The following TSPAN12 variants were observed in gnomAD, a reference collection of about 807,000 sequenced individuals.
TSPAN12 encodes the protein tetraspanin 12, also known as tetraspanin-12.
A neutral mutation model predicts 39.2 loss-of-function variants in TSPAN12; 19 were observed. The observed-to-expected ratio is 0.49, with a 90% CI of 0.34 to 0.71. The LOEUF is 0.71. Ranked by LOEUF, TSPAN12 falls within the 30% of genes least tolerant of loss-of-function variation. TSPAN12 has a pLI of 0.01. For missense variants in TSPAN12, 314 were observed against 359.9 expected (o/e 0.87, Z 1.03); for synonymous variants, 119 against 124.8 (o/e 0.95, Z 0.31).
At chr7:120,799,054 G>C (rs1793689810) in intron 7 of TSPAN12, among the ~76,000 whole-genome samples, 1 of 152,092 alleles carries the variant, frequency 6.6e-6, no homozygotes, top group Non-Finnish European at 1.5e-5. Context: ...TGGGGAATCT[G>C]TTCTATGCAG....
intron 2 of TSPAN12, among the ~76,000 whole-genome samples, chr7:120,844,255 C>T (rs1030366654): frequency 1.3e-5 from 2 of 152,126 alleles, no homozygotes; most frequent in African/African-American, 2.4e-5. Context: ...CATGAGATTT[C>T]GGTGGGGACA....
chr7:120,805,608 C>T (rs764971692), intron 7 of TSPAN12, among the ~76,000 whole-genome samples: 4 of 152,074 alleles, frequency 2.6e-5, no homozygotes, highest in Non-Finnish European at 5.9e-5. Context: ...TTAGCCTAAG[C>T]AGTTTCCTTT....
intron 4 of TSPAN12, among the ~76,000 whole-genome samples, chr7:120,829,688 ACATTT>A (rs1382186630): frequency 2.0e-5 from 3 of 152,206 alleles, no homozygotes; most frequent in Non-Finnish European, 4.4e-5. Context: ...GGTGGAATGA[ACATTT>A]CAATAGCATG....
intron 2 of TSPAN12, among the ~76,000 whole-genome samples, chr7:120,848,972 C>A (rs1794723014): frequency 6.6e-6 from 1 of 152,192 alleles, no homozygotes; most frequent in Admixed American, 6.5e-5. Context: ...GAATTCAGGA[C>A]TCCTTGCTAA....
Position 120,788,738 on chromosome 7 carries a change from C to T in TSPAN12, c.772G>A (p.Asp258Asn). 1 of 1,614,134 alleles carries T rather than the reference C, an allele frequency of 6.2e-7. No homozygotes were observed. The highest frequency in any genetic ancestry group is 2.2e-5 in the East Asian group (1 of 44,872). Residue 258 changes from aspartate (D) to asparagine (N), a missense_variant, in exon 8 of 8, where the codon GAC (aspartate) becomes AAC (asparagine). By Grantham distance (23) the Asp-to-Asn change is conservative. Coordinates refer to ENST00000222747, the MANE Select transcript of TSPAN12 (RefSeq NM_012338.4). ...TCATTCTTCAAGGACATCATTTGGT[C>T]TGTCCCCGGCTCCCTTCTATCATAA... is the stretch of plus-strand genomic sequence containing the variant. ...LYYDRREPGT[D>N]QMMSLKNDNS...
intron 4 of TSPAN12, among the ~76,000 whole-genome samples, chr7:120,836,101 A>G (rs571667666): frequency 6.6e-6 from 1 of 152,170 alleles, no homozygotes; most frequent in Non-Finnish European, 1.5e-5. Flanking sequence ...CCAGAGGAGG[A>G]CAGAAAAGAG....
chr7:120,809,386 G>C (rs1562941385), intron 6 of TSPAN12, among the ~76,000 whole-genome samples: 3 of 152,026 alleles, frequency 2.0e-5, no homozygotes. Flanking sequence ...TCTTTGTGTT[G>C]TTTTTAGCAC....
At chr7:120,853,046 A>G (rs1794798667) in intron 2 of TSPAN12, among the ~76,000 whole-genome samples, 1 of 151,992 alleles carries the variant, frequency 6.6e-6, no homozygotes, top group Non-Finnish European at 1.5e-5. Flanking sequence ...CCCTAAAATT[A>G]GCCTATTATA....
chr7:120,853,502 A>G (rs1379219208), intron 2 of TSPAN12, among the ~76,000 whole-genome samples: 1 of 148,688 alleles, frequency 6.7e-6, no homozygotes, highest in African/African-American at 2.5e-5. Context: ...ATACACACAC[A>G]TATTTATATT....
At chr7:120,837,065 G>A (rs919826411) in intron 4 of TSPAN12, among the ~76,000 whole-genome samples, 6 of 151,958 alleles carry the variant, frequency 3.9e-5, no homozygotes, top group East Asian at 1.9e-4. Flanking sequence ...GTAAGACTGC[G>A]TTTTAAAAAA....
In TSPAN12 at chr7:120,807,308, G is replaced by GGT. The variant is rs1793893991; in HGVS notation, c.469-618_469-617dup. On this transcript the variant is annotated intron_variant, in intron 6 of 7. Transcript: ENST00000222747. The stretch of plus-strand genomic sequence containing the variant: ...CTATTACCATAATCTCAGAAGAAAT[G>GGT]GTGTGTGTGCCTTTAGCTTGAATAA... Among the ~76,000 whole-genome samples the GGT allele has an allele frequency of 3.3e-5, 5 of 152,140 alleles. 1 individual carries two copies. The highest frequency in any genetic ancestry group is 3.3e-4 in the Admixed American group (5 of 15,260).
intron 7 of TSPAN12, among the ~76,000 whole-genome samples, chr7:120,792,031 G>A (rs1165558763): frequency 6.6e-6 from 1 of 152,150 alleles, no homozygotes; most frequent in Non-Finnish European, 1.5e-5. Context: ...ATTAACCAAA[G>A]TCTTGCGGCA....
At chr7:120,817,802 G>A (rs752600089) in intron 4 of TSPAN12, among the ~76,000 whole-genome samples, 6 of 152,106 alleles carry the variant, frequency 3.9e-5, no homozygotes, top group Non-Finnish European at 7.4e-5. Context: ...TTTACAGTGG[G>A]AGGTCAGGGT....
At position 120,856,758 on chromosome 7, in the gene TSPAN12, G is replaced by A. The variant is rs1399017466; in HGVS notation, c.6C>T (p.Ala2=). Residue 2 remains alanine (A), a synonymous_variant, in exon 2 of 8, where the codon GCC becomes GCT. Transcript: ENST00000222747. M[A]REDSVKCLRC... is the part of the protein sequence containing the mutation. ...GCAGACACTTCACGGAATCTTCTCT[G>A]GCCATTGTGAGCCCCGTAAGGGAGA... 6.2e-7 allele frequency: 1 copy of A among 1,614,026 alleles called. No homozygotes were observed. The highest frequency in any genetic ancestry group is 1.3e-5 in the African/African-American group (1 of 74,908).
At chr7:120,809,797 C>T (rs753234240) in intron 6 of TSPAN12, among the ~76,000 whole-genome samples, 2 of 151,982 alleles carry the variant, frequency 1.3e-5, no homozygotes, top group Non-Finnish European at 2.9e-5. Context: ...TGCTACATGG[C>T]GGTTAGGTAA....
At position 120,850,194 on chromosome 7, in the gene TSPAN12, C is replaced by T. The variant is rs896085803; in HGVS notation, c.66+6504G>A. On this transcript the variant is annotated intron_variant, in intron 2 of 7. Transcript: ENST00000222747. ...ATCAATTAATTAGAGCTGAATAAAT[C>T]AGTATCACCCTGGAGCTGTTCTGAC... Among the ~76,000 whole-genome samples the T allele has an allele frequency of 7.9e-5, 12 of 152,328 alleles. No individual in the cohort carries two copies. The South Asian group carries it at 1.9e-3, about 24-fold the overall frequency.
At chr7:120,802,859 T>C (rs759603127) in intron 7 of TSPAN12, among the ~76,000 whole-genome samples, 3 of 152,254 alleles carry the variant, frequency 2.0e-5, no homozygotes, top group Non-Finnish European at 4.4e-5. Context: ...ATATTTCTGC[T>C]GTCATTTTTC....
intron 2 of TSPAN12, among the ~76,000 whole-genome samples, chr7:120,853,884 A>G (rs55749650): frequency 0.19 from 28,380 of 147,494 alleles, 3,034 homozygotes; most frequent in African/African-American, 0.21. Flanking sequence ...AAAAAAAAAA[A>G]AAAAGAAAAG....
chr7:120,855,330 C>T (rs1309299300), intron 2 of TSPAN12, among the ~76,000 whole-genome samples: 3 of 152,258 alleles, frequency 2.0e-5, no homozygotes, highest in Non-Finnish European at 2.9e-5. Flanking sequence ...AAAGGAAGGA[C>T]GTTCAACCAG....
Sources: allele counts gnomAD v4.1 joint callset (sites outside exome capture counted in the v4.1 genomes callset), GRCh38; gene constraint gnomAD v4.1.1; transcripts MANE v1.5; gene names NCBI Gene and HGNC (gene_info 2026-07-23, HGNC 2026-07-21).